NF1: variants seen among roughly 807,000 people sequenced by gnomAD.
NF1 encodes the protein neurofibromin 1, also known as neurofibromin.
Under a neutral mutation model 325.7 loss-of-function variants are expected in NF1, and 122 were observed. That is an observed-to-expected ratio of 0.37 (90% CI 0.32 to 0.44). NF1 has a LOEUF of 0.44. NF1 is among the 20% of genes least tolerant of loss of function. The probability of loss-of-function intolerance (pLI) is 1.00; values close to 1 mark genes in which losing one functional copy is unlikely to be tolerated. For missense variants in NF1, 2,140 were observed against 3,415.4 expected (o/e 0.63, Z 9.31); for synonymous variants, 1,091 against 1,186.0 (o/e 0.92, Z 1.65).
At chr17:31,366,454 G>C (rs979760785) in intron 57 of NF1, among the ~76,000 whole-genome samples, 1 of 152,116 alleles carries the variant, frequency 6.6e-6, no homozygotes, top group African/African-American at 2.4e-5. Flanking sequence ...TGAGAAGCTG[G>C]CTAGATCAGG....
chr17:31,256,633 A>G (rs1365504378), intron 31 of NF1, among the ~76,000 whole-genome samples: 4 of 152,338 alleles, frequency 2.6e-5, no homozygotes, highest in Non-Finnish European at 2.9e-5. Flanking sequence ...TAGTCAAAGC[A>G]CTGGAATTTT....
At chr17:31,218,645 C>T (rs2066866204) in intron 13 of NF1, among the ~76,000 whole-genome samples, 2 of 151,842 alleles carry the variant, frequency 1.3e-5, no homozygotes, top group South Asian at 4.1e-4. Context: ...AATCTTGGCT[C>T]ACTGCAACCA....
intron 36 of NF1, among the ~76,000 whole-genome samples, chr17:31,270,082 A>T (rs1428082596): frequency 6.6e-6 from 1 of 152,210 alleles, no homozygotes; most frequent in African/African-American, 2.4e-5. Flanking sequence ...GCCCAGAAAG[A>T]TGACTCTGAC....
chr17:31,112,802 T>C (rs538060039), intron 1 of NF1, among the ~76,000 whole-genome samples: 1 of 152,302 alleles, frequency 6.6e-6, no homozygotes, highest in African/African-American at 2.4e-5. Flanking sequence ...GATCATGTTA[T>C]TGGTATATCT....
chr17:31,332,344 G>T (rs1205870673), intron 39 of NF1, among the ~76,000 whole-genome samples: 1 of 151,596 alleles, frequency 6.6e-6, no homozygotes, highest in Non-Finnish European at 1.5e-5. Flanking sequence ...CATGCCTGTA[G>T]TCCCAGCTAC....
chr17:31,303,332 A>G (rs1411600046), intron 36 of NF1, among the ~76,000 whole-genome samples: 1 of 152,246 alleles, frequency 6.6e-6, no homozygotes, highest in Non-Finnish European at 1.5e-5. Context: ...GATTGGGCCC[A>G]TTCCTACTCT....
rs181022226 is a variant in NF1 at position 31,229,708 on chromosome 17, G to A, written c.2851-127G>A. 1.7e-5 allele frequency: 21 copies of A among 1,210,234 alleles called. No homozygotes were observed. In the Admixed American group the frequency reaches 2.9e-4, roughly 17 times the overall value. The allele number at this position is 1,210,234 out of a possible 1,614,324, so 75.0% of individuals were successfully genotyped here. A position where few individuals can be genotyped will look rare whatever the true frequency, so the allele number is the denominator to read the frequency against. ...TACGAGTGTCTGCGTATATCTGTAT[G>A]CTTATTTGGCTCTATGCCTGTGGGT... On this transcript the variant is annotated intron_variant, in intron 21 of 57. Coordinates refer to ENST00000358273, the MANE Select transcript of NF1 (RefSeq NM_001042492.3).
At position 31,283,743 on chromosome 17, in the gene NF1, G is replaced by A. The variant is rs149921858; in HGVS notation, c.4835+18404G>A. On this transcript the variant is annotated intron_variant, in intron 36 of 57. Coordinates refer to ENST00000358273, the MANE Select transcript of NF1 (RefSeq NM_001042492.3). ...CTGGACTCAAATGATCCACCTTGGC[G>A]TCCCAAAGTGTTAGGATTACAGGCA... 3.7e-3 allele frequency among the ~76,000 whole-genome samples: 556 copies of A among 152,166 alleles called. 6 individuals carry two copies. Among genetic ancestry groups the A allele is most frequent in the African/African-American group, 0.013 (538 of 41,536 alleles).
At chr17:31,357,619 T>C in intron 54 of NF1, 1 of 533,636 alleles carries the variant, frequency 1.9e-6, no homozygotes, top group Non-Finnish European at 3.4e-6. Context: ...TGATCATTGC[T>C]CATTTTCCTC....
Position 31,094,979 on chromosome 17 carries a change from T to A in NF1, c.-331T>A, listed in dbSNP as rs1911503001. 1.9e-6 allele frequency: 1 copy of A among 531,970 alleles called. No individual in the cohort carries two copies. Among genetic ancestry groups the A allele is most frequent in the Non-Finnish European group, 3.3e-6 (1 of 299,920 alleles). The allele number at this position is 531,970 out of a possible 1,614,324, so 33.0% of individuals were successfully genotyped here. A position where few individuals can be genotyped will look rare whatever the true frequency, so the allele number is the denominator to read the frequency against. On this transcript the variant is annotated 5_prime_UTR_variant, in exon 1 of 58. Coordinates refer to ENST00000358273, the MANE Select transcript of NF1 (RefSeq NM_001042492.3). ...CCCCGGGCCGTGGAAAGGATCCCAC[T>A]TCCGGTGGGGTGTCATGGCGGCGTC...
At chr17:31,227,148 C>G (rs2067028676) in intron 18 of NF1, 70 bp from the exon 19 acceptor site, 32 of 1,486,328 alleles carry the variant, frequency 2.2e-5, no homozygotes, top group Non-Finnish European at 2.9e-5. Context: ...TTGGGTGGAG[C>G]TTATCAGGTT....
At chr17:31,275,169 A>G (rs1026635190) in intron 36 of NF1, among the ~76,000 whole-genome samples, 4 of 152,136 alleles carry the variant, frequency 2.6e-5, no homozygotes, top group Non-Finnish European at 4.4e-5. Context: ...AGCCTCCCCA[A>G]CTTGCCCAAA....
intron 5 of NF1, among the ~76,000 whole-genome samples, chr17:31,170,345 G>A (rs1421142300): frequency 6.6e-6 from 1 of 152,196 alleles, no homozygotes; most frequent in Admixed American, 6.5e-5. Flanking sequence ...AGCTATTGTA[G>A]CACTTTACAA....
chr17:31,247,975 G>C (rs2067426424), intron 29 of NF1, among the ~76,000 whole-genome samples: 4 of 152,182 alleles, frequency 2.6e-5, no homozygotes. Flanking sequence ...GGCCGAGGCA[G>C]GTGGGTCACT....
chr17:31,104,394 T>C (rs912074369), intron 1 of NF1, among the ~76,000 whole-genome samples: 8 of 152,210 alleles, frequency 5.3e-5, no homozygotes, highest in African/African-American at 1.9e-4. Context: ...CGGAAGGCTC[T>C]AAAGGAAGTT....
At chr17:31,314,884 T>C (rs1205549098) in intron 36 of NF1, among the ~76,000 whole-genome samples, 1 of 152,164 alleles carries the variant, frequency 6.6e-6, no homozygotes, top group Non-Finnish European at 1.5e-5. Context: ...ACCAAACTGT[T>C]CTCCATAGTG....
chr17:31,236,738 A>G lies in NF1; in HGVS notation c.3974+717A>G, dbSNP rs17884658. Among the ~76,000 whole-genome samples, 549 of 151,952 alleles carry G rather than the reference A, an allele frequency of 3.6e-3. 3 individuals carry two copies. The highest frequency in any genetic ancestry group is 6.8e-3 in the Middle Eastern group (2 of 294). On this transcript the variant is annotated intron_variant, in intron 29 of 57. Coordinates refer to ENST00000358273, the MANE Select transcript of NF1 (RefSeq NM_001042492.3). ...AATACTGGGATTACAGGTGTGAGCCACCATGCCCAGCCCAGAGTGCAGTTT... is the reference window on the plus strand; with the variant it reads ...AATACTGGGATTACAGGTGTGAGCCGCCATGCCCAGCCCAGAGTGCAGTTT...
intron 9 of NF1, 78 bp from the exon 10 acceptor site, chr17:31,200,959 G>A: frequency 1.3e-6 from 2 of 1,590,462 alleles, no homozygotes; most frequent in African/African-American, 1.3e-5. Context: ...TGGGTAATGT[G>A]TTGATGTTAT....
In NF1 at chr17:31,363,439, T is replaced by C. The variant is rs901524289; in HGVS notation, c.8377+2736T>C. Among the ~76,000 whole-genome samples the C allele has an allele frequency of 4.2e-3, 609 of 145,332 alleles. 1 individual carries two copies. Among genetic ancestry groups the C allele is most frequent in the Admixed American group, 6.7e-3 (98 of 14,696 alleles). ...AATCTTATATCCTTATCTCTCTCTT[T>C]TTTTTTTTTTTTTTTTGAGACAGAG... On this transcript the variant is annotated intron_variant, in intron 57 of 57. Transcript: ENST00000358273.
Sources: allele counts gnomAD v4.1 joint callset (sites outside exome capture counted in the v4.1 genomes callset), GRCh38; gene constraint gnomAD v4.1.1; transcripts MANE v1.5; gene names NCBI Gene and HGNC (gene_info 2026-07-23, HGNC 2026-07-21).